Variants in PTBP2 observed in about 807,000 individuals in gnomAD.
The protein encoded by PTBP2 is polypyrimidine tract-binding protein 2.
In PTBP2, 13 loss-of-function variants were observed where a neutral mutation model predicts 61.4. That is an observed-to-expected ratio of 0.21 (90% CI 0.14 to 0.34). The LOEUF is 0.34. Among genes scored for constraint, PTBP2 ranks in the 10% least tolerant of loss-of-function variants. The probability of loss-of-function intolerance (pLI) is 1.00; values close to 1 mark genes in which losing one functional copy is unlikely to be tolerated. For synonymous variants in PTBP2, 215 were observed against 218.5 expected (o/e 0.98, Z 0.14); for missense variants, 405 against 642.6 (o/e 0.63, Z 4.00).
intron 11 of PTBP2, among the ~76,000 whole-genome samples, chr1:96,811,449 G>A (rs1054470424): frequency 6.6e-6 from 1 of 151,930 alleles, no homozygotes; most frequent in Non-Finnish European, 1.5e-5. Flanking sequence ...ACAGAGTCTC[G>A]CTCTGTCACC....
chr1:96,810,138 A>T (rs533509), intron 11 of PTBP2, among the ~76,000 whole-genome samples: 44,351 of 151,844 alleles, frequency 0.29, 7,185 homozygotes, highest in East Asian at 0.46. Context: ...TTATTCGTTA[A>T]TAATCTCTTT....
At chr1:96,791,826 C>CTTTTTTTTGGTTTTTTTTTG (rs1482989030) in intron 8 of PTBP2, among the ~76,000 whole-genome samples, 1 of 66,128 alleles carries the variant, frequency 1.5e-5, no homozygotes, top group Non-Finnish European at 2.6e-5. Flanking sequence ...TGGAGTTGTG[C>CTTTTTTTTGGTTTTTTTTTG]TTTTTTTTTT....
At chr1:96,759,581 G>C (rs1655559902) in intron 3 of PTBP2, among the ~76,000 whole-genome samples, 1 of 152,098 alleles carries the variant, frequency 6.6e-6, no homozygotes, top group South Asian at 2.1e-4. Context: ...CTAATATATA[G>C]AGTTTTTAGG....
chr1:96,768,286 A>C (rs1269438599), intron 3 of PTBP2, among the ~76,000 whole-genome samples: 1 of 152,072 alleles, frequency 6.6e-6, no homozygotes. Context: ...TGCTAGACAC[A>C]TCCCTGAATA....
intron 2 of PTBP2, among the ~76,000 whole-genome samples, chr1:96,729,631 T>A (rs937805768): frequency 6.6e-6 from 1 of 152,196 alleles, no homozygotes; most frequent in African/African-American, 2.4e-5. Context: ...GTTTGTTTAG[T>A]TCTTCTTGAG....
intron 11 of PTBP2, among the ~76,000 whole-genome samples, chr1:96,811,812 A>C (rs1557782534): frequency 6.6e-6 from 1 of 152,156 alleles, no homozygotes. Flanking sequence ...TTTTTTAGTT[A>C]TTTTGACTGG....
chr1:96,769,979 C>A, intron 4 of PTBP2, 104 bp downstream of exon 4: 1 of 941,054 alleles, frequency 1.1e-6, no homozygotes, highest in Non-Finnish European at 1.5e-6. Context: ...TCTTAAAGAA[C>A]AGAAGTCTTA....
intron 3 of PTBP2, among the ~76,000 whole-genome samples, chr1:96,766,484 A>C (rs1178504459): frequency 6.6e-6 from 1 of 152,144 alleles, no homozygotes; most frequent in Non-Finnish European, 1.5e-5. Context: ...GATCATGGGA[A>C]GATGCTGAAG....
At chr1:96,765,565 G>A (rs754668936) in intron 3 of PTBP2, among the ~76,000 whole-genome samples, 1 of 152,098 alleles carries the variant, frequency 6.6e-6, no homozygotes, top group Non-Finnish European at 1.5e-5. Context: ...AGAAAAATTA[G>A]CTGGGTGTGG....
chr1:96,807,044 TTAC>T (rs1329398767), intron 11 of PTBP2, 86 bp downstream of exon 11: 6 of 973,468 alleles, frequency 6.2e-6, no homozygotes, highest in Non-Finnish European at 9.1e-6. Context: ...ATAAACTCCT[TTAC>T]ATCAGTAAGA....
At chr1:96,743,276 T>TA (rs35637528) in intron 2 of PTBP2, among the ~76,000 whole-genome samples, 79,751 of 143,850 alleles carry the variant, frequency 0.55, 21,943 homozygotes, top group East Asian at 0.67. Flanking sequence ...GACTCCGTCT[T>TA]AAAAAAAAAA....
At chr1:96,725,652 G>T (rs753729016) in intron 2 of PTBP2, among the ~76,000 whole-genome samples, 1 of 152,090 alleles carries the variant, frequency 6.6e-6, no homozygotes, top group Non-Finnish European at 1.5e-5. Flanking sequence ...AATAATTAAA[G>T]TTAATTTAAT....
chr1:96,804,959 A>G lies in PTBP2; in HGVS notation c.1044+20A>G, dbSNP rs368216434. 1,209 of 1,523,504 alleles carry G rather than the reference A, an allele frequency of 7.9e-4. 1 individual carries two copies. The highest frequency in any genetic ancestry group is 7.7e-4 in the Non-Finnish European group (867 of 1,128,338). The allele number at this position is 1,523,504 out of a possible 1,614,324, so 94.4% of individuals were successfully genotyped here. On this transcript the variant is annotated intron_variant, in intron 9 of 13. Coordinates refer to ENST00000674951, the MANE Select transcript of PTBP2 (RefSeq NM_021190.4). ...GAAGAGGTTAGTAAAATAATCTCTA[A>G]TGTTTATTCTTTAACTCCATTTCAT... is the stretch of plus-strand genomic sequence containing the variant.
intron 3 of PTBP2, 150 bp from the exon 4 acceptor site, chr1:96,769,553 C>A: frequency 2.1e-6 from 1 of 485,662 alleles, no homozygotes; most frequent in Non-Finnish European, 3.5e-6. Context: ...CCTTTGAAAG[C>A]CTGGCATTTG....
intron 8 of PTBP2, among the ~76,000 whole-genome samples, chr1:96,803,726 A>G (rs1291376679): frequency 1.3e-5 from 2 of 152,180 alleles, no homozygotes; most frequent in Non-Finnish European, 2.9e-5. Flanking sequence ...TTCTTATGAA[A>G]TGCACCAGAA....
intron 7 of PTBP2, among the ~76,000 whole-genome samples, chr1:96,780,857 A>G (rs1259400804): frequency 6.6e-6 from 1 of 152,052 alleles, no homozygotes; most frequent in East Asian, 1.9e-4. Context: ...GTGTTAGGAA[A>G]GTGCAAGATA....
intron 11 of PTBP2, among the ~76,000 whole-genome samples, chr1:96,807,483 T>G (rs185699144): frequency 1.1e-3 from 160 of 152,352 alleles, no homozygotes; most frequent in African/African-American, 3.6e-3. Context: ...TTATTTTAAT[T>G]AAACTTATGT....
At chr1:96,763,393 C>T (rs1425448030) in intron 3 of PTBP2, among the ~76,000 whole-genome samples, 1 of 152,042 alleles carries the variant, frequency 6.6e-6, no homozygotes, top group African/African-American at 2.4e-5. Context: ...CCGGCCAACA[C>T]AGCGAAACCC....
chr1:96,805,441 A>G (rs1661407981), intron 9 of PTBP2, among the ~76,000 whole-genome samples: 1 of 151,446 alleles, frequency 6.6e-6, no homozygotes, highest in Admixed American at 6.6e-5. Flanking sequence ...TTTCTTAGTA[A>G]TTTTTTCTTT....
Sources: allele counts gnomAD v4.1 joint callset (sites outside exome capture counted in the v4.1 genomes callset), GRCh38; gene constraint gnomAD v4.1.1; transcripts MANE v1.5; gene names NCBI Gene and HGNC (gene_info 2026-07-23, HGNC 2026-07-21).